Variants in CIAO2A observed in about 807,000 individuals in gnomAD.
CIAO2A encodes the protein MIP18 family protein FAM96A.
Under a neutral mutation model 22.4 loss-of-function variants are expected in CIAO2A, and 17 were observed. The ratio of observed to expected loss-of-function variants is 0.76; its 90% CI spans 0.52 to 1.14. The LOEUF (loss-of-function observed/expected upper bound fraction) is 1.14, where lower values mean the gene tolerates loss of function less well. Among genes scored for constraint, CIAO2A ranks in the 50% most tolerant of loss-of-function variants. CIAO2A has a pLI of 0.00. For missense variants in CIAO2A, 192 were observed against 191.4 expected, an observed-to-expected ratio of 1.00 and a Z score of -0.02; for synonymous variants, 74 against 72.3, an observed-to-expected ratio of 1.02 and a Z score of -0.12.
At chr15:64,088,910 G>C in intron 1 of CIAO2A, 59 bp from the exon 2 acceptor site, 1 of 1,506,874 alleles carries the variant, frequency 6.6e-7, no homozygotes, top group South Asian at 1.3e-5. Context: ...AAATAAAGAT[G>C]ATTTTGCCAG....
At position 64,076,949 on chromosome 15, in the gene CIAO2A, G is replaced by A. The variant is rs568328373; in HGVS notation, c.340-1412C>T. ...TTGAATTCCTGAGGTTAAGTGATCC[G>A]CCCATCTAGGCCTCCCAAAGTACAG... On this transcript the variant is annotated intron_variant, in intron 3 of 4. Coordinates refer to ENST00000300030, the MANE Select transcript of CIAO2A (RefSeq NM_032231.7). Among the ~76,000 whole-genome samples the A allele has an allele frequency of 2.6e-5, 4 of 151,922 alleles. No individual in the cohort carries two copies. In the East Asian group the frequency reaches 7.7e-4, roughly 29 times the overall value.
At chr15:64,085,081 A>AAAAATAAAATAAAAT (rs57243810) in intron 2 of CIAO2A, among the ~76,000 whole-genome samples, 2 of 148,928 alleles carry the variant, frequency 1.3e-5, no homozygotes, top group African/African-American at 5.0e-5. Context: ...CTCTGTCTCA[A>AAAAATAAAATAAAAT]AAAATAAAAT....
intron 1 of CIAO2A, among the ~76,000 whole-genome samples, chr15:64,089,908 C>T (rs1042819388): frequency 6.6e-6 from 1 of 152,118 alleles, no homozygotes; most frequent in Non-Finnish European, 1.5e-5. Context: ...AAGGGGTTAT[C>T]CAATGGAGTT....
Position 64,093,664 on chromosome 15 carries a change from C to T in CIAO2A, c.105G>A (p.Glu35=). 1 of 1,613,964 alleles carries T rather than the reference C, an allele frequency of 6.2e-7. No individual in the cohort carries two copies. The highest frequency in any genetic ancestry group is 8.5e-7 in the Non-Finnish European group (1 of 1,179,920). Residue 35 remains glutamate (E), a synonymous_variant, in exon 1 of 5, where the codon GAG becomes GAA. Coordinates refer to ENST00000300030, the MANE Select transcript of CIAO2A (RefSeq NM_032231.7). ...AATTACCATAAACTTCTAGCGCTTT[C>T]TCTTCCATGATCCGGGGCTGCCGGG... ...GAARQPRIME[E]KALEVYDLIR... is the part of the protein sequence containing the mutation.
At position 64,072,723 on chromosome 15, in the gene CIAO2A, G is replaced by A. The variant is rs576044143; in HGVS notation, c.*208C>T. 4.8e-6 allele frequency: 2 copies of A among 413,324 alleles called. No individual in the cohort carries two copies. The highest frequency in any genetic ancestry group is 1.3e-4 in the South Asian group (2 of 15,822). The allele number at this position is 413,324 out of a possible 1,614,324, so 25.6% of individuals were successfully genotyped here. A position where few individuals can be genotyped will look rare whatever the true frequency, so the allele number is the denominator to read the frequency against. ...ATAACTAGAAAATATTATTCTGTCT[G>A]ATCATTTAAGTGTTACAAATCCTGA... On this transcript the variant is annotated 3_prime_UTR_variant, in exon 5 of 5. Coordinates refer to ENST00000300030, the MANE Select transcript of CIAO2A (RefSeq NM_032231.7).
At chr15:64,086,285 G>A (rs933178358) in intron 2 of CIAO2A, among the ~76,000 whole-genome samples, 4 of 151,604 alleles carry the variant, frequency 2.6e-5, no homozygotes, top group South Asian at 2.1e-4. Context: ...GGTGGCGGGC[G>A]CCTGTAATTG....
intron 3 of CIAO2A, among the ~76,000 whole-genome samples, chr15:64,075,963 C>A (rs2080714438): frequency 1.3e-5 from 2 of 151,842 alleles, no homozygotes; most frequent in Admixed American, 1.3e-4. Context: ...CCAGCGCCCC[C>A]CAAATCCTGT....
intron 2 of CIAO2A, among the ~76,000 whole-genome samples, chr15:64,083,354 C>T (rs926789224): frequency 2.0e-5 from 3 of 152,048 alleles, no homozygotes; most frequent in Non-Finnish European, 2.9e-5. Context: ...ACCCTAAGAC[C>T]GTTCCCATTG....
rs749019775 is a variant in CIAO2A at position 64,073,043 on chromosome 15, G to A, written c.386-15C>T. 1 of 1,580,724 alleles carries A rather than the reference G, an allele frequency of 6.3e-7. No individual in the cohort carries two copies. The highest frequency in any genetic ancestry group is 1.1e-5 in the South Asian group (1 of 90,146). ...CTGCTTATTGACTGAAAAATACACA[G>A]ACAAAAGTTAGCAGAAGAACTGTGT... On this transcript the variant is annotated splice_polypyrimidine_tract_variant and intron_variant, in intron 4 of 4. Coordinates refer to ENST00000300030, the MANE Select transcript of CIAO2A (RefSeq NM_032231.7).
chr15:64,081,534 C>CTTTTTTTTTTTTTTTTTTTTT lies in CIAO2A; in HGVS notation c.290-384_290-383insAAAAAAAAAAAAAAAAAAAAA, dbSNP rs1567306106. The stretch of plus-strand genomic sequence containing the variant: ...AGCAAAAGTCAATTAACTCATTAAG[C>CTTTTTTTTTTTTTTTTTTTTT]CTTTTTTTTTTTTTTTTTTTTGAGA... On this transcript the variant is annotated intron_variant, in intron 2 of 4. Transcript: ENST00000300030. Among the ~76,000 whole-genome samples the CTTTTTTTTTTTTTTTTTTTTT allele has an allele frequency of 8.2e-5, 2 of 24,406 alleles. 1 individual carries two copies. Among genetic ancestry groups the CTTTTTTTTTTTTTTTTTTTTT allele is most frequent in the Non-Finnish European group, 2.6e-4 (2 of 7,574 alleles). The allele number at this position is 24,406 out of a possible 152,430, so 16.0% of individuals were successfully genotyped here. A position where few individuals can be genotyped will look rare whatever the true frequency, so the allele number is the denominator to read the frequency against.
At chr15:64,091,257 G>T (rs984223132) in intron 1 of CIAO2A, among the ~76,000 whole-genome samples, 4 of 151,996 alleles carry the variant, frequency 2.6e-5, no homozygotes, top group African/African-American at 9.7e-5. Flanking sequence ...GAGGCAAGTG[G>T]ATCACCCACC....
At chr15:64,092,201 C>G (rs551464855) in intron 1 of CIAO2A, among the ~76,000 whole-genome samples, 13 of 152,274 alleles carry the variant, frequency 8.5e-5, no homozygotes, top group African/African-American at 2.9e-4. Context: ...CTGCATCCCA[C>G]TACCTAGAAC....
At chr15:64,081,783 C>T (rs2080761060) in intron 2 of CIAO2A, among the ~76,000 whole-genome samples, 2 of 152,070 alleles carry the variant, frequency 1.3e-5, no homozygotes, top group Admixed American at 6.6e-5. Context: ...AAGTGATCCG[C>T]CTGCCTTAGC....
chr15:64,087,521 G>A (rs2080807400), intron 2 of CIAO2A, among the ~76,000 whole-genome samples: 1 of 152,198 alleles, frequency 6.6e-6, no homozygotes, highest in Non-Finnish European at 1.5e-5. Flanking sequence ...GAGCCACCAC[G>A]CCCGGTCACC....
At chr15:64,086,757 G>A (rs1462687492) in intron 2 of CIAO2A, among the ~76,000 whole-genome samples, 6 of 151,774 alleles carry the variant, frequency 4.0e-5, no homozygotes, top group Non-Finnish European at 5.9e-5. Flanking sequence ...GGGATTACAG[G>A]TGCGTGCCAC....
chr15:64,090,349 C>G (rs2080830898), intron 1 of CIAO2A: 1 of 153,606 alleles, frequency 6.5e-6, no homozygotes. Flanking sequence ...GTCTCAAAAA[C>G]AAAAACAAAC....
At chr15:64,090,455 T>C (rs1421748633) in intron 1 of CIAO2A, 5 of 152,604 alleles carry the variant, frequency 3.3e-5, no homozygotes, top group Admixed American at 3.3e-4. Flanking sequence ...GGGTTGTTCT[T>C]AGGTACAACC....
At chr15:64,081,217 T>G in intron 2 of CIAO2A, 66 bp from the exon 3 acceptor site, 1 of 1,487,036 alleles carries the variant, frequency 6.7e-7, no homozygotes, top group South Asian at 1.2e-5. Context: ...TGAAAAAGCA[T>G]ACAACTGCGT....
chr15:64,088,916 G>T, intron 1 of CIAO2A, 65 bp from the exon 2 acceptor site: 1 of 1,486,190 alleles, frequency 6.7e-7, no homozygotes, highest in Non-Finnish European at 9.1e-7. Context: ...AGATGATTTT[G>T]CCAGGCCTAA....
Sources: allele counts gnomAD v4.1 joint callset (sites outside exome capture counted in the v4.1 genomes callset), GRCh38; gene constraint gnomAD v4.1.1; transcripts MANE v1.5; gene names NCBI Gene and HGNC (gene_info 2026-07-23, HGNC 2026-07-21).